HAT1: variants seen among roughly 807,000 people sequenced by gnomAD.
The protein encoded by HAT1 is histone acetyltransferase type B catalytic subunit.
A neutral mutation model predicts 56.6 loss-of-function variants in HAT1; 20 were observed. The ratio of observed to expected loss-of-function variants is 0.35; its 90% CI spans 0.25 to 0.51. HAT1 has a LOEUF of 0.51. Ranked by LOEUF, HAT1 falls within the 20% of genes least tolerant of loss-of-function variation. The pLI is 0.95. For synonymous variants in HAT1, 146 were observed against 165.5 expected (o/e 0.88, Z 0.91); for missense variants, 408 against 504.3 (o/e 0.81, Z 1.83).
At chr2:171,938,024 T>TTATCTCTCTC (rs1667199543) in intron 2 of HAT1, among the ~76,000 whole-genome samples, 1 of 104,802 alleles carries the variant, frequency 9.5e-6, no homozygotes, top group African/African-American at 4.0e-5. Context: ...TGTCTACTGA[T>TTATCTCTCTC]TCTCTCTCTC....
At chr2:171,944,793 A>G (rs1159040691) in intron 2 of HAT1, among the ~76,000 whole-genome samples, 4 of 152,210 alleles carry the variant, frequency 2.6e-5, no homozygotes, top group South Asian at 2.1e-4. Context: ...GTAAATTAGT[A>G]ATATGCTGGT....
At chr2:171,941,282 G>T (rs971114676) in intron 2 of HAT1, among the ~76,000 whole-genome samples, 1 of 151,894 alleles carries the variant, frequency 6.6e-6, no homozygotes, top group Non-Finnish European at 1.5e-5. Flanking sequence ...GCGGGATCTC[G>T]GCTCACTGCA....
intron 10 of HAT1, among the ~76,000 whole-genome samples, chr2:171,981,182 AT>A (rs1198140918): frequency 6.6e-6 from 1 of 152,004 alleles, no homozygotes; most frequent in Non-Finnish European, 1.5e-5. Context: ...AAAGAAGAAA[AT>A]TTGTCATCTA....
intron 4 of HAT1, among the ~76,000 whole-genome samples, chr2:171,955,938 G>C (rs1168853942): frequency 6.6e-6 from 1 of 151,988 alleles, no homozygotes; most frequent in Non-Finnish European, 1.5e-5. Context: ...CCAGCTACTC[G>C]GGAGGCTGAG....
chr2:171,958,399 A>G (rs1476611376), intron 4 of HAT1, among the ~76,000 whole-genome samples: 1 of 151,172 alleles, frequency 6.6e-6, no homozygotes, highest in Non-Finnish European at 1.5e-5. Flanking sequence ...TTACATAGGT[A>G]TCTTTCCCCT....
chr2:171,938,963 A>G (rs1042193013), intron 2 of HAT1, among the ~76,000 whole-genome samples: 6 of 151,670 alleles, frequency 4.0e-5, no homozygotes, highest in African/African-American at 1.5e-4. Flanking sequence ...CTGGTCTTGA[A>G]CCCCTGGACT....
intron 2 of HAT1, among the ~76,000 whole-genome samples, chr2:171,942,406 T>A (rs554855839): frequency 2.0e-5 from 3 of 152,226 alleles, no homozygotes; most frequent in East Asian, 1.9e-4. Context: ...AGTATTTTTT[T>A]ATTATGTATT....
At chr2:171,971,494 C>T (rs140975494) in intron 8 of HAT1, among the ~76,000 whole-genome samples, 142 of 152,246 alleles carry the variant, frequency 9.3e-4, no homozygotes, top group Admixed American at 1.8e-3. Context: ...GTAAGTATCT[C>T]GTTCATCTTC....
At chr2:171,947,980 A>C (rs1384287961) in intron 3 of HAT1, among the ~76,000 whole-genome samples, 1 of 152,250 alleles carries the variant, frequency 6.6e-6, no homozygotes, top group Non-Finnish European at 1.5e-5. Flanking sequence ...TTTTTAAAAA[A>C]AACTTTTGAT....
intron 8 of HAT1, among the ~76,000 whole-genome samples, chr2:171,973,457 A>C (rs983893775): frequency 1.3e-5 from 2 of 151,422 alleles, no homozygotes; most frequent in South Asian, 4.2e-4. Flanking sequence ...ATTACATTGA[A>C]TCTGTCATTA....
chr2:171,928,602 G>A (rs998025510), intron 2 of HAT1, among the ~76,000 whole-genome samples: 1 of 152,128 alleles, frequency 6.6e-6, no homozygotes, highest in African/African-American at 2.4e-5. Flanking sequence ...TCCACCTTCT[G>A]GGTTCAAGCG....
intron 2 of HAT1, among the ~76,000 whole-genome samples, chr2:171,943,951 G>A (rs1027025570): frequency 1.3e-5 from 2 of 151,776 alleles, no homozygotes; most frequent in Admixed American, 6.6e-5. Context: ...AATTGGATAC[G>A]AGCCTGGGCA....
chr2:171,964,241 G>T (rs1687636813), intron 4 of HAT1, among the ~76,000 whole-genome samples: 1 of 152,142 alleles, frequency 6.6e-6, no homozygotes, highest in Non-Finnish European at 1.5e-5. Flanking sequence ...AGTAGCAAGG[G>T]TCTTGGTTTA....
intron 9 of HAT1, among the ~76,000 whole-genome samples, chr2:171,977,152 G>A (rs1204285995): frequency 4.5e-4 from 57 of 128,024 alleles, no homozygotes; most frequent in Middle Eastern, 6.5e-3. Context: ...CAGCCTGGGC[G>A]ACCGAGCGAG....
At chr2:171,951,198 T>C (rs1430636424) in intron 3 of HAT1, among the ~76,000 whole-genome samples, 5 of 152,230 alleles carry the variant, frequency 3.3e-5, no homozygotes, top group African/African-American at 1.2e-4. Context: ...ATTAGGCATT[T>C]TATGTGCTTT....
intron 8 of HAT1, among the ~76,000 whole-genome samples, chr2:171,975,198 A>G (rs879631004): frequency 2.0e-5 from 3 of 150,898 alleles, no homozygotes; most frequent in Non-Finnish European, 2.9e-5. Flanking sequence ...TCTGCCTCCC[A>G]GGTTCAAGCG....
intron 1 of HAT1, 96 bp downstream of exon 1, chr2:171,922,603 G>A (rs1686466638): frequency 1.9e-6 from 2 of 1,079,276 alleles, no homozygotes; most frequent in Middle Eastern, 2.2e-4. Context: ...AGAACTTTCG[G>A]GCTGTAGCCT....
At chr2:171,930,978 A>C (rs1216146451) in intron 2 of HAT1, among the ~76,000 whole-genome samples, 2 of 152,068 alleles carry the variant, frequency 1.3e-5, no homozygotes, top group African/African-American at 2.4e-5. Flanking sequence ...TTACCTGTTA[A>C]TGAAGAAAGT....
At chr2:171,973,445 G>A (rs1687868975) in intron 8 of HAT1, among the ~76,000 whole-genome samples, 1 of 150,242 alleles carries the variant, frequency 6.7e-6, no homozygotes, top group Non-Finnish European at 1.5e-5. Flanking sequence ...AGGGATTGAG[G>A]GATTACATTG....
Sources: allele counts gnomAD v4.1 joint callset (sites outside exome capture counted in the v4.1 genomes callset), GRCh38; gene constraint gnomAD v4.1.1; transcripts MANE v1.5; gene names NCBI Gene and HGNC (gene_info 2026-07-23, HGNC 2026-07-21).